The following TCHP variants were observed in gnomAD, a reference collection of about 807,000 sequenced individuals.
TCHP encodes trichoplein keratin filament binding, also known as trichoplein keratin filament-binding protein.
In TCHP, 81 loss-of-function variants were observed where a neutral mutation model predicts 88.7. That is an observed-to-expected ratio of 0.91 (90% CI 0.76 to 1.10). The LOEUF is 1.10. TCHP is among the 50% of genes least tolerant of loss of function. The pLI, the probability that TCHP is intolerant of heterozygous loss-of-function variation, is 0.00. For missense variants in TCHP, 641 were observed against 632.1 expected (o/e 1.01, Z -0.15); for synonymous variants, 232 against 232.5 (o/e 1.00, Z 0.02).
chr12:109,911,256 G>A (rs1034620727), intron 9 of TCHP, 21 bp downstream of exon 9: 2 of 1,395,354 alleles, frequency 1.4e-6, no homozygotes, highest in African/African-American at 1.4e-5. Context: ...GCTGCTGACT[G>A]GGCTGGATGC....
rs1870912560 is a variant in TCHP at position 109,918,036 on chromosome 12, A to G, written c.*1413A>G. ...GTTGCGTTCCCCATTTCAGATGTCCAGTAATGGTGAAATAAAATCCTGCTT... is the reference window on the plus strand; with the variant it reads ...GTTGCGTTCCCCATTTCAGATGTCCGGTAATGGTGAAATAAAATCCTGCTT... On this transcript the variant is annotated 3_prime_UTR_variant, in exon 13 of 13. Coordinates refer to ENST00000405876, the MANE Select transcript of TCHP (RefSeq NM_001143852.2). 1 of 152,190 alleles carries G rather than the reference A, an allele frequency of 6.6e-6. No individual in the cohort carries two copies. Among genetic ancestry groups the G allele is most frequent in the Non-Finnish European group, 1.5e-5 (1 of 68,034 alleles). 9.4% of individuals were successfully genotyped at this position (152,190 alleles called of 1,614,324 possible).
At chr12:109,915,191 C>T (rs1372529939) in intron 11 of TCHP, 1 of 648,026 alleles carries the variant, frequency 1.5e-6, no homozygotes, top group Non-Finnish European at 2.7e-6. Context: ...AAGCGCCACG[C>T]ATACAGCCTC....
chr12:109,906,177 C>T (rs955770415), intron 4 of TCHP, among the ~76,000 whole-genome samples: 1 of 152,204 alleles, frequency 6.6e-6, no homozygotes, highest in African/African-American at 2.4e-5. Context: ...GAGGAAACTT[C>T]GGGGAGCCAG....
At chr12:109,914,715 T>C in intron 11 of TCHP, 88 bp downstream of exon 11, 1 of 1,162,794 alleles carries the variant, frequency 8.6e-7, no homozygotes. Flanking sequence ...CTGGACTGCC[T>C]GGCAGGGCTT....
the TCHP span, among the ~76,000 whole-genome samples, chr12:109,893,880 A>G: frequency 2.0e-5 from 3 of 152,122 alleles, no homozygotes; most frequent in Non-Finnish European, 4.4e-5. Flanking sequence ...AGAGAGAAAT[A>G]TGGGCTAAAG....
chr12:109,884,939 G>T, the TCHP span, among the ~76,000 whole-genome samples: 1 of 152,168 alleles, frequency 6.6e-6, no homozygotes, highest in Non-Finnish European at 1.5e-5. Context: ...CTTATTCAAG[G>T]TTTGCCATTT....
upstream of TCHP, among the ~76,000 whole-genome samples, chr12:109,899,682 C>A (rs1427014663): frequency 3.3e-5 from 5 of 152,164 alleles, no homozygotes; most frequent in Non-Finnish European, 7.4e-5. Context: ...CTTATGCCAG[C>A]AGGCCTCTGC....
At chr12:109,913,623 TG>T (rs1383342269) in intron 10 of TCHP, among the ~76,000 whole-genome samples, 2 of 152,216 alleles carry the variant, frequency 1.3e-5, no homozygotes, top group South Asian at 2.1e-4. Flanking sequence ...ACTGCTTTCC[TG>T]GTCAGTGTGT....
chr12:109,913,182 C>T, intron 10 of TCHP, 110 bp downstream of exon 10: 1 of 913,668 alleles, frequency 1.1e-6, no homozygotes, highest in Non-Finnish European at 1.7e-6. Context: ...CTTCTCTGGT[C>T]ATTTTAAGTG....
At position 109,906,647 on chromosome 12, in the gene TCHP, T is replaced by C. The variant is rs1241349408; in HGVS notation, c.525+7T>C. 1 of 1,604,238 alleles carries C rather than the reference T, an allele frequency of 6.2e-7. No individual in the cohort carries two copies. Among genetic ancestry groups the C allele is most frequent in the Non-Finnish European group, 8.5e-7 (1 of 1,179,202 alleles). On this transcript the variant is annotated splice_region_variant and intron_variant, in intron 5 of 12. Coordinates refer to ENST00000405876, the MANE Select transcript of TCHP (RefSeq NM_001143852.2). ...GAAAGAAGAAAAAAAACAGGTGTGG[T>C]ATGTGGCTCTGGGAATAGCCGCGTA...
In TCHP at chr12:109,915,513, G is replaced by A. The variant is rs368260508; in HGVS notation, c.1431G>A (p.Ala477=). ...QLSDALLQQE[A]ETMAEQGYRP... is the part of the protein sequence containing the mutation. Reference sequence around the variant, plus strand: ...CAGATGCCCTGCTGCAGCAGGAGGCGGAGACTATGGCTGAGCAGGGCTACC... The same window carrying A: ...CAGATGCCCTGCTGCAGCAGGAGGCAGAGACTATGGCTGAGCAGGGCTACC... The change falls in exon 12 of 13, where the codon GCG becomes GCA. Residue 477 remains alanine (A), a synonymous_variant. Transcript: ENST00000405876. 9.8e-5 allele frequency: 158 copies of A among 1,613,932 alleles called. No homozygotes were observed. The highest frequency in any genetic ancestry group is 1.2e-4 in the Non-Finnish European group (137 of 1,180,008).
chr12:109,897,576 T>TG (rs1446507642), upstream of TCHP, among the ~76,000 whole-genome samples: 3 of 151,924 alleles, frequency 2.0e-5, no homozygotes, highest in African/African-American at 7.3e-5. Context: ...CTTTTTTTTT[T>TG]TTGAGACAGG....
upstream of TCHP, among the ~76,000 whole-genome samples, chr12:109,896,228 T>G (rs1869554987): frequency 6.6e-6 from 1 of 152,244 alleles, no homozygotes; most frequent in South Asian, 2.1e-4. Context: ...ATTACAGGCG[T>G]GAGCCACTGT....
At chr12:109,914,871 GC>G (rs1282622169) in intron 11 of TCHP, 2 of 471,738 alleles carry the variant, frequency 4.2e-6, no homozygotes, top group Non-Finnish European at 7.7e-6. Context: ...GTCTGCTTCT[GC>G]AAGCAGTTGG....
At chr12:109,902,316 G>A (rs1177373566) in intron 1 of TCHP, among the ~76,000 whole-genome samples, 1 of 151,822 alleles carries the variant, frequency 6.6e-6, no homozygotes, top group Non-Finnish European at 1.5e-5. Flanking sequence ...GACTACAGGC[G>A]CACCACCACT....
At chr12:109,908,142 A>G (rs117235137) in intron 6 of TCHP, among the ~76,000 whole-genome samples, 3,665 of 151,762 alleles carry the variant, frequency 0.024, 57 homozygotes, top group East Asian at 0.055. Context: ...AGATCTTTCT[A>G]TTTAGAAGAG....
Position 109,903,925 on chromosome 12 carries a change from C to G in TCHP, c.189-12C>G. The G allele has an allele frequency of 6.3e-7, 1 of 1,594,396 alleles. No individual in the cohort carries two copies. The highest frequency in any genetic ancestry group is 8.5e-7 in the Non-Finnish European group (1 of 1,170,664). On this transcript the variant is annotated splice_polypyrimidine_tract_variant and intron_variant, in intron 2 of 12. Transcript: ENST00000405876. This position sits in a 1 kb window ranked among gnomAD's most constrained non-coding sequence, Gnocchi z 4.6. ...TAGCATGATTGATTCAGGCAGGCCC[C>G]CTCTCACCCAGCATGCATGCCTATC...
At chr12:109,882,808 C>T in the TCHP span, among the ~76,000 whole-genome samples, 3 of 151,648 alleles carry the variant, frequency 2.0e-5, no homozygotes, top group Non-Finnish European at 2.9e-5. Context: ...AGGCATTTGC[C>T]ACCACGCCTG....
chr12:109,896,674 C>T (rs778127080), upstream of TCHP, among the ~76,000 whole-genome samples: 2 of 151,942 alleles, frequency 1.3e-5, no homozygotes, highest in South Asian at 2.1e-4. Context: ...GTAATCCCAG[C>T]GCTTTGGGAG....
Sources: allele counts gnomAD v4.1 joint callset (sites outside exome capture counted in the v4.1 genomes callset), GRCh38; gene constraint gnomAD v4.1.1; non-coding constraint Gnocchi (gnomAD v3.1); transcripts MANE v1.5; gene names NCBI Gene and HGNC (gene_info 2026-07-23, HGNC 2026-07-21).